HSPA12A: variants seen among roughly 807,000 people sequenced by gnomAD.
HSPA12A encodes the protein heat shock 70 kDa protein 12A.
HSPA12A carries 28 observed loss-of-function variants against 69.2 expected under a neutral mutation model. The observed-to-expected ratio is 0.40, with a 90% CI of 0.30 to 0.55. HSPA12A has a LOEUF of 0.55. Ranked by LOEUF, HSPA12A falls within the 20% of genes least tolerant of loss-of-function variation. The probability of loss-of-function intolerance (pLI) is 0.38; values close to 1 mark genes in which losing one functional copy is unlikely to be tolerated. For missense variants in HSPA12A, 686 were observed against 900.7 expected (o/e 0.76, Z 3.05); for synonymous variants, 345 against 370.5 (o/e 0.93, Z 0.79).
chr10:116,676,401 AGATGCTCAAT>A lies in HSPA12A; in HGVS notation c.1378_1387del (p.Ile460SerfsTer77). 1 of 1,612,820 alleles carries A rather than the reference AGATGCTCAAT, an allele frequency of 6.2e-7. No homozygotes were observed. Among genetic ancestry groups the A allele is most frequent in the Non-Finnish European group, 8.5e-7 (1 of 1,179,164 alleles). ...GGCCGAGCCTGGCTGATACTTACGG[AGATGCTCAAT>A]GATGCTATCGATGGTCGGCTTAAAA... On this transcript the variant is annotated frameshift_variant, in exon 11 of 12. Coordinates refer to ENST00000369209, the MANE Select transcript of HSPA12A (RefSeq NM_025015.3). LOFTEE classifies it high-confidence loss of function.
rs79115103 is a variant in HSPA12A at position 116,796,443 on chromosome 10, C to T, written c.91+38492G>A. 5.3e-5 allele frequency among the ~76,000 whole-genome samples: 8 copies of T among 152,202 alleles called. No homozygotes were observed. In the East Asian group the frequency reaches 1.5e-3, roughly 29 times the overall value. The stretch of plus-strand genomic sequence containing the variant: ...TCTCCCTTTCCACAGCCTTCCTGTC[C>T]TGCCCTGTGGGTCTTGCTGCTCTGG... On this transcript the variant is annotated intron_variant, in intron 2 of 12. Transcript: ENST00000635765.
intron 6 of HSPA12A, among the ~76,000 whole-genome samples, chr10:116,685,268 G>A (rs567770567): frequency 5.3e-5 from 8 of 152,196 alleles, no homozygotes; most frequent in East Asian, 1.9e-4. Context: ...AGGCGAAGTC[G>A]GCCTCATCAT....
intron 2 of HSPA12A, among the ~76,000 whole-genome samples, chr10:116,761,238 C>A (rs1024313432): frequency 6.6e-6 from 1 of 152,030 alleles, no homozygotes; most frequent in African/African-American, 2.4e-5. Context: ...GTAATCCCAG[C>A]GCTTTGGGAG....
intron 1 of HSPA12A, chr10:116,835,393 G>A (rs1845691907): frequency 6.5e-6 from 1 of 152,860 alleles, no homozygotes; most frequent in Non-Finnish European, 1.5e-5. Flanking sequence ...ACGAGGCCCG[G>A]TTCTTTCTCC....
At chr10:116,783,025 C>G (rs1367090550) in intron 2 of HSPA12A, among the ~76,000 whole-genome samples, 1 of 152,218 alleles carries the variant, frequency 6.6e-6, no homozygotes, top group African/African-American at 2.4e-5. Context: ...TGTCTCCTGC[C>G]ACTCAGATGC....
At chr10:116,734,524 A>G (rs77191221) in intron 1 of HSPA12A, among the ~76,000 whole-genome samples, 17,727 of 151,388 alleles carry the variant, frequency 0.12, 1,276 homozygotes, top group Middle Eastern at 0.23. Flanking sequence ...TCTTATAGGG[A>G]CAATGTCTTT....
intron 2 of HSPA12A, among the ~76,000 whole-genome samples, chr10:116,792,445 C>A (rs552072112): frequency 1.3e-5 from 2 of 151,702 alleles, no homozygotes; most frequent in East Asian, 3.9e-4. Flanking sequence ...CTATCAACCC[C>A]TGGATTCAAA....
chr10:116,680,621 G>C (rs1431050755), intron 9 of HSPA12A, among the ~76,000 whole-genome samples: 3 of 151,960 alleles, frequency 2.0e-5, no homozygotes, highest in African/African-American at 4.8e-5. Context: ...GAGTAGCTGG[G>C]GCTACAGGTG....
intron 2 of HSPA12A, among the ~76,000 whole-genome samples, chr10:116,767,635 G>A (rs1244138945): frequency 2.6e-5 from 4 of 152,180 alleles, no homozygotes; most frequent in African/African-American, 9.7e-5. Context: ...GGAGGTTGTT[G>A]GTTAACTCTG....
chr10:116,769,716 A>G (rs781817709), intron 2 of HSPA12A, among the ~76,000 whole-genome samples: 1 of 152,210 alleles, frequency 6.6e-6, no homozygotes, highest in Non-Finnish European at 1.5e-5. Context: ...CAAAACAGCT[A>G]TTGATTCAGT....
At chr10:116,749,731 G>T (rs782011863) in intron 2 of HSPA12A, among the ~76,000 whole-genome samples, 1 of 152,296 alleles carries the variant, frequency 6.6e-6, no homozygotes, top group South Asian at 2.1e-4. Flanking sequence ...CACTATTCCC[G>T]AGTTTTTTAA....
chr10:116,731,753 C>T (rs1225979361), intron 1 of HSPA12A, among the ~76,000 whole-genome samples: 15 of 152,182 alleles, frequency 9.9e-5, no homozygotes, highest in East Asian at 3.8e-4. Flanking sequence ...CACCAGATAT[C>T]GTGCCCCCTA....
At chr10:116,792,813 AAAAG>A (rs900158827) in intron 2 of HSPA12A, among the ~76,000 whole-genome samples, 9 of 151,204 alleles carry the variant, frequency 6.0e-5, no homozygotes, top group Non-Finnish European at 8.8e-5. Context: ...AAAAGAAAGA[AAAAG>A]AAAGAAAGAA....
At chr10:116,843,749 ATATATTTT>A (rs1845838567) in intron 1 of HSPA12A, among the ~76,000 whole-genome samples, 1 of 152,196 alleles carries the variant, frequency 6.6e-6, no homozygotes, top group Non-Finnish European at 1.5e-5. Context: ...ATTAATCATC[ATATATTTT>A]TAAAATGTAT....
intron 2 of HSPA12A, among the ~76,000 whole-genome samples, chr10:116,784,200 C>T (rs1258874243): frequency 6.6e-6 from 1 of 152,238 alleles, no homozygotes; most frequent in African/African-American, 2.4e-5. Context: ...AGTCACATTT[C>T]CCAGCTTCCC....
In HSPA12A at chr10:116,698,657, T is replaced by A; in HGVS notation, c.524A>T (p.Tyr175Phe). 6.2e-7 allele frequency: 1 copy of A among 1,613,892 alleles called. No homozygotes were observed. The highest frequency in any genetic ancestry group is 8.5e-7 in the Non-Finnish European group (1 of 1,179,772). ...TACCTTCAGCGCCTGCTCCTTAAAG[T>A]ACTGCAGGGCATAAGCAAAGATTTC... ...ALEIFAYALQ[Y>F]FKEQALKELS... Residue 175 changes from tyrosine to phenylalanine, a missense_variant, in exon 5 of 12, where the codon TAC becomes TTC. By Grantham distance (22) the Tyr-to-Phe change is conservative. Coordinates refer to ENST00000369209, the MANE Select transcript of HSPA12A (RefSeq NM_025015.3).
intron 2 of HSPA12A, among the ~76,000 whole-genome samples, chr10:116,834,607 C>T (rs1035987596): frequency 6.6e-6 from 1 of 152,196 alleles, no homozygotes; most frequent in African/African-American, 2.4e-5. Context: ...GGCAGTAAGA[C>T]AGCACGAGGC....
intron 2 of HSPA12A, among the ~76,000 whole-genome samples, chr10:116,782,101 C>T (rs1231779043): frequency 2.6e-5 from 4 of 152,098 alleles, no homozygotes; most frequent in African/African-American, 9.7e-5. Flanking sequence ...AAGAGGCCCA[C>T]AAGAAGGGCA....
chr10:116,783,022 T>C (rs1844497648), intron 2 of HSPA12A, among the ~76,000 whole-genome samples: 1 of 152,206 alleles, frequency 6.6e-6, no homozygotes. Flanking sequence ...AAATGTCTCC[T>C]GCCACTCAGA....
Sources: gnomAD v4.1 joint callset for allele counts (sites outside exome capture counted in the v4.1 genomes callset) on GRCh38, gnomAD v4.1.1 for gene constraint, MANE v1.5 for transcripts, NCBI Gene and HGNC (gene_info 2026-07-23, HGNC 2026-07-21) for gene names.